Variants in APAF1 observed in about 807,000 individuals in gnomAD.
APAF1 encodes the protein apoptotic peptidase activating factor 1, also known as apoptotic protease-activating factor 1.
APAF1 carries 91 observed loss-of-function variants against 152.4 expected under a neutral mutation model. That is an observed-to-expected ratio of 0.60 (90% CI 0.50 to 0.71). The LOEUF is 0.71. APAF1 is among the 30% of genes least tolerant of loss of function. The pLI is 0.00. For missense variants in APAF1, 1,283 were observed against 1,472.0 expected, an observed-to-expected ratio of 0.87 and a Z score of 2.10; for synonymous variants, 484 against 494.1, an observed-to-expected ratio of 0.98 and a Z score of 0.27.
intron 13 of APAF1, among the ~76,000 whole-genome samples, chr12:98,679,097 T>C (rs1361069727): frequency 6.6e-6 from 1 of 152,158 alleles, no homozygotes; most frequent in East Asian, 1.9e-4. Flanking sequence ...TGGGAACTTA[T>C]AGTGCCTTTT....
intron 22 of APAF1, among the ~76,000 whole-genome samples, chr12:98,718,738 C>T (rs985549963): frequency 6.6e-6 from 1 of 151,994 alleles, no homozygotes; most frequent in Non-Finnish European, 1.5e-5. Flanking sequence ...AGTTAGAGAC[C>T]AGCCTGGGCA....
Position 98,708,681 on chromosome 12 carries a change from G to A in APAF1, c.2818G>A (p.Val940Ile). Residue 940 changes from valine to isoleucine, a missense_variant, in exon 20 of 27, where the codon GTT becomes ATT. Coordinates refer to ENST00000551964, the MANE Select transcript of APAF1 (RefSeq NM_181861.2). ...FQENEVMVLA[V>I]DHIRRLQLIN... ...AGAAAATGAAGTGATGGTCCTTGCA[G>A]TTGACCATATAAGACGTCTGCAAGT... 2 of 1,613,748 alleles carry A rather than the reference G, an allele frequency of 1.2e-6. No homozygotes were observed. Among genetic ancestry groups the A allele is most frequent in the Non-Finnish European group, 1.7e-6 (2 of 1,179,836 alleles).
At position 98,680,378 on chromosome 12, in the gene APAF1, C is replaced by T; in HGVS notation, c.2022C>T (p.Thr674=). 1 of 1,613,676 alleles carries T rather than the reference C, an allele frequency of 6.2e-7. No homozygotes were observed. Among genetic ancestry groups the T allele is most frequent in the Non-Finnish European group, 8.5e-7 (1 of 1,179,942 alleles). Reference sequence around the variant, plus strand: ...CTACAGATGACAGATTTATAGCAACCTGCTCAGTGGATAAAAAAGTGAAGG... The same window carrying T: ...CTACAGATGACAGATTTATAGCAACTTGCTCAGTGGATAAAAAAGTGAAGG... The part of the protein sequence containing the change: ...AFSTDDRFIA[T]CSVDKKVKIW... Residue 674 remains threonine, a synonymous_variant, in exon 14 of 27, where the codon ACC becomes ACT. Transcript: ENST00000551964.
At chr12:98,687,129 C>T (rs1163762324) in intron 16 of APAF1, among the ~76,000 whole-genome samples, 3 of 152,096 alleles carry the variant, frequency 2.0e-5, no homozygotes, top group African/African-American at 7.2e-5. Context: ...CTTTGGGAGG[C>T]CGAGGTGGGT....
chr12:98,717,005 A>C (rs996066005), intron 22 of APAF1, among the ~76,000 whole-genome samples: 1 of 150,616 alleles, frequency 6.6e-6, no homozygotes, highest in African/African-American at 2.4e-5. Context: ...AGCTGGGATT[A>C]CAGCCGTATG....
At chr12:98,675,460 A>C (rs1565869560) in intron 12 of APAF1, among the ~76,000 whole-genome samples, 1 of 152,188 alleles carries the variant, frequency 6.6e-6, no homozygotes, top group South Asian at 2.1e-4. Flanking sequence ...TCGACCCTCC[A>C]TATCCGTGGT....
chr12:98,730,940 C>T (rs551354190), intron 26 of APAF1, among the ~76,000 whole-genome samples: 5 of 152,144 alleles, frequency 3.3e-5, no homozygotes, highest in Non-Finnish European at 7.3e-5. Flanking sequence ...TACTGAATGA[C>T]AAGAAATTCA....
At chr12:98,694,938 C>T (rs1383351653) in intron 16 of APAF1, among the ~76,000 whole-genome samples, 1 of 148,544 alleles carries the variant, frequency 6.7e-6, no homozygotes, top group Non-Finnish European at 1.5e-5. Flanking sequence ...GCTGTGGCAC[C>T]ATCTCGGCTC....
chr12:98,691,504 G>T (rs2153329511), intron 16 of APAF1, among the ~76,000 whole-genome samples: 1 of 152,086 alleles, frequency 6.6e-6, no homozygotes, highest in Non-Finnish European at 1.5e-5. Flanking sequence ...TCTGTTTCCT[G>T]ACTACCTACT....
At position 98,732,396 on chromosome 12, in the gene APAF1, A is replaced by G. The variant is rs565571159; in HGVS notation, c.3601-24A>G. 3.7e-6 allele frequency: 6 copies of G among 1,608,466 alleles called. No individual in the cohort carries two copies. The African/African-American group carries it at 4.0e-5, about 11-fold the overall frequency. On this transcript the variant is annotated intron_variant, in intron 26 of 26. Coordinates refer to ENST00000551964, the MANE Select transcript of APAF1 (RefSeq NM_181861.2). The stretch of plus-strand genomic sequence containing the variant: ...ACACAGTGTAATTACCAATCTAATG[A>G]GAATTTTATTTTTCTCTGAACAGTG...
intron 22 of APAF1, among the ~76,000 whole-genome samples, chr12:98,720,957 ACT>A (rs1012297053): frequency 6.6e-6 from 1 of 151,270 alleles, no homozygotes; most frequent in Non-Finnish European, 1.5e-5. Flanking sequence ...ACAGAGCAAG[ACT>A]CTGTCTCAAA....
chr12:98,708,557 A>C, intron 19 of APAF1, 28 bp from the exon 20 acceptor site: 1 of 1,608,352 alleles, frequency 6.2e-7, no homozygotes. Flanking sequence ...TTAGAGATGG[A>C]ATGATAATTT....
At chr12:98,731,416 A>G (rs538418291) in intron 26 of APAF1, among the ~76,000 whole-genome samples, 1 of 152,348 alleles carries the variant, frequency 6.6e-6, no homozygotes, top group East Asian at 1.9e-4. Context: ...AGTGACTGAA[A>G]ACAAATGAAT....
Position 98,666,344 on chromosome 12 carries a change from G to T in APAF1, c.1349G>T (p.Cys450Phe). The T allele has an allele frequency of 6.2e-7, 1 of 1,612,488 alleles. No individual in the cohort carries two copies. The highest frequency in any genetic ancestry group is 1.7e-5 in the Admixed American group (1 of 59,884). The change falls in exon 9 of 27, where the codon TGC (cysteine) becomes TTC (phenylalanine). Residue 450 changes from cysteine (C) to phenylalanine (F), a missense_variant. By Grantham distance (205) the Cys-to-Phe change is radical. Transcript: ENST00000551964. ...GTAGATTTTCTTACAGAGAAGAATT[G>T]CAGCCAGCTTCAGGTACTTGCATCT... ...LQVDFLTEKN[C>F]SQLQDLHKKI...
rs1453272904 is a variant in APAF1 at position 98,734,648 on chromosome 12, C to T, written c.*2082C>T. 2 of 152,650 alleles carry T rather than the reference C, an allele frequency of 1.3e-5. No homozygotes were observed. The highest frequency in any genetic ancestry group is 2.9e-5 in the Non-Finnish European group (2 of 68,058). The allele number at this position is 152,650 out of a possible 1,614,324, so 9.5% of individuals were successfully genotyped here. ...GATGGAATCATAAATACAGTGAATA[C>T]AATCCTTTGCATTGTTAAGGAGGTT... is the stretch of plus-strand genomic sequence containing the variant. On this transcript the variant is annotated 3_prime_UTR_variant, in exon 27 of 27. Coordinates refer to ENST00000551964, the MANE Select transcript of APAF1 (RefSeq NM_181861.2).
intron 11 of APAF1, among the ~76,000 whole-genome samples, chr12:98,671,320 G>A (rs1474735112): frequency 6.6e-6 from 1 of 152,008 alleles, no homozygotes; most frequent in African/African-American, 2.4e-5. Context: ...AAAAAAGAAT[G>A]TATTAAGAAA....
chr12:98,698,492 A>G (rs937246705), intron 16 of APAF1, among the ~76,000 whole-genome samples: 1 of 152,198 alleles, frequency 6.6e-6, no homozygotes, highest in African/African-American at 2.4e-5. Context: ...TCTCTTTTGC[A>G]TTACCCAGAT....
Position 98,723,769 on chromosome 12 carries a change from G to A in APAF1, c.3330+5G>A. 6.2e-7 allele frequency: 1 copy of A among 1,613,728 alleles called. No individual in the cohort carries two copies. Among genetic ancestry groups the A allele is most frequent in the Non-Finnish European group, 8.5e-7 (1 of 1,179,840 alleles). On this transcript the variant is annotated splice_donor_5th_base_variant and intron_variant, in intron 24 of 26. Coordinates refer to ENST00000551964, the MANE Select transcript of APAF1 (RefSeq NM_181861.2). ...TCTGCTGACAAGACTGCAAAGGTAG[G>A]TCAATCAATTGAAACCATGCATAAA...
intron 16 of APAF1, among the ~76,000 whole-genome samples, chr12:98,689,598 T>G (rs1156285383): frequency 6.6e-6 from 1 of 152,132 alleles, no homozygotes; most frequent in Non-Finnish European, 1.5e-5. Flanking sequence ...TAGCTGGGAC[T>G]TCAGGCGTGT....
Sources: allele counts gnomAD v4.1 joint callset (sites outside exome capture counted in the v4.1 genomes callset), GRCh38; gene constraint gnomAD v4.1.1; transcripts MANE v1.5; gene names NCBI Gene and HGNC (gene_info 2026-07-23, HGNC 2026-07-21).